Variants in RREB1 observed in about 807,000 individuals in gnomAD.
RREB1 encodes the protein ras-responsive element-binding protein 1.
Under a neutral mutation model 117.8 loss-of-function variants are expected in RREB1, and 27 were observed. That is an observed-to-expected ratio of 0.23 (90% CI 0.17 to 0.32). The LOEUF (loss-of-function observed/expected upper bound fraction) is 0.32. Ranked by LOEUF, RREB1 falls within the 10% of genes least tolerant of loss-of-function variation. The pLI is 1.00. For synonymous variants in RREB1, 1,298 were observed against 1,026.7 expected, an observed-to-expected ratio of 1.26 and a Z score of -5.05; for missense variants, 2,577 against 2,378.2, an observed-to-expected ratio of 1.08 and a Z score of -1.74.
At chr6:7,154,680 G>A (rs1182458912) in intron 1 of RREB1, among the ~76,000 whole-genome samples, 2 of 152,196 alleles carry the variant, frequency 1.3e-5, no homozygotes, top group Non-Finnish European at 2.9e-5. Context: ...CTAAGGGTCA[G>A]GCCACTTACC....
chr6:7,162,441 C>G (rs1010950241), intron 1 of RREB1, among the ~76,000 whole-genome samples: 2 of 152,162 alleles, frequency 1.3e-5, no homozygotes, highest in Admixed American at 1.3e-4. Context: ...GTGGTGCTTA[C>G]CTCTGGTGAG....
chr6:7,203,868 A>G (rs1330322230), intron 6 of RREB1, among the ~76,000 whole-genome samples: 1 of 152,230 alleles, frequency 6.6e-6, no homozygotes, highest in African/African-American at 2.4e-5. Context: ...GAATGGAGGC[A>G]GTAGGAATAA....
At chr6:7,222,786 C>T (rs1407108239) in intron 8 of RREB1, among the ~76,000 whole-genome samples, 1 of 149,318 alleles carries the variant, frequency 6.7e-6, no homozygotes, top group African/African-American at 2.4e-5. Flanking sequence ...ACATAGCGAG[C>T]CTGCCTCAAA....
intron 1 of RREB1, among the ~76,000 whole-genome samples, chr6:7,131,139 T>C (rs527241685): frequency 2.7e-5 from 4 of 147,890 alleles, no homozygotes; most frequent in African/African-American, 1.0e-4. Context: ...GGGGTTTCAC[T>C]GTGGTCTCGA....
chr6:7,137,259 T>A (rs1048493044), intron 1 of RREB1, among the ~76,000 whole-genome samples: 2 of 152,176 alleles, frequency 1.3e-5, no homozygotes, highest in Non-Finnish European at 2.9e-5. Context: ...TGCCTCTCCC[T>A]TCCCCCCTGA....
At chr6:7,220,284 A>G (rs1177055681) in intron 8 of RREB1, among the ~76,000 whole-genome samples, 2 of 152,216 alleles carry the variant, frequency 1.3e-5, no homozygotes, top group African/African-American at 4.8e-5. Flanking sequence ...GTACAGAAAC[A>G]CTTATTTCTG....
At position 7,211,641 on chromosome 6, in the gene RREB1, T is replaced by C. The variant is rs1348397630; in HGVS notation, c.639T>C (p.Cys213=). ...ATGAAGTCTTTCACTGCCCAGTATGTTTCAAGGAGTTTGTTTGCAAGTATG... is the reference window on the plus strand; with the variant it reads ...ATGAAGTCTTTCACTGCCCAGTATGCTTCAAGGAGTTTGTTTGCAAGTATG... ...KADEVFHCPV[C]FKEFVCKYGL... The change falls in exon 8 of 13, where the codon TGT becomes TGC. Residue 213 remains cysteine (C), a synonymous_variant. Transcript: ENST00000379938. The C allele has an allele frequency of 6.2e-7, 1 of 1,613,998 alleles. No homozygotes were observed. Among genetic ancestry groups the C allele is most frequent in the South Asian group, 1.1e-5 (1 of 91,074 alleles).
At chr6:7,146,570 T>TAA (rs1561743917) in intron 1 of RREB1, among the ~76,000 whole-genome samples, 1 of 152,186 alleles carries the variant, frequency 6.6e-6, no homozygotes, top group Admixed American at 6.5e-5. Context: ...CCGAGCTCTT[T>TAA]AAAAGCCAGT....
chr6:7,110,494 G>GTGTGTGTGTGTGTGTGTA (rs780372991), intron 1 of RREB1, among the ~76,000 whole-genome samples: 13 of 152,102 alleles, frequency 8.5e-5, no homozygotes, highest in South Asian at 2.1e-4. Flanking sequence ...GTGTGTGTGT[G>GTGTGTGTGTGTGTGTGTA]TGTATGTGTT....
At chr6:7,164,422 C>T (rs1288567333) in intron 1 of RREB1, among the ~76,000 whole-genome samples, 3 of 152,224 alleles carry the variant, frequency 2.0e-5, no homozygotes, top group African/African-American at 7.2e-5. Context: ...CAGAAAGGAA[C>T]TCCAGGGGGA....
chr6:7,176,211 G>A (rs1178895599), intron 1 of RREB1, among the ~76,000 whole-genome samples: 1 of 152,150 alleles, frequency 6.6e-6, no homozygotes. Context: ...GCCACTGCTA[G>A]TTGTATATTT....
intron 5 of RREB1, among the ~76,000 whole-genome samples, chr6:7,187,913 T>C (rs984366207): frequency 2.0e-5 from 3 of 152,188 alleles, no homozygotes; most frequent in African/African-American, 4.8e-5. Context: ...CACAACACTT[T>C]GGGAGGCCAA....
chr6:7,232,388 C>T (rs941822796), intron 10 of RREB1, among the ~76,000 whole-genome samples: 1 of 152,134 alleles, frequency 6.6e-6, no homozygotes, highest in South Asian at 2.1e-4. Context: ...TTTTTGGATG[C>T]CATGTCTTCT....
intron 6 of RREB1, among the ~76,000 whole-genome samples, chr6:7,192,037 A>G (rs1451933539): frequency 6.9e-6 from 1 of 144,296 alleles, no homozygotes; most frequent in Non-Finnish European, 1.5e-5. Flanking sequence ...AATGTTCCTT[A>G]CCAGTTTGAG....
Position 7,230,218 on chromosome 6 carries a change from C to A in RREB1, c.2119C>A (p.Pro707Thr), listed in dbSNP as rs1245892403. Residue 707 changes from proline to threonine, a missense_variant, in exon 10 of 13, where the codon CCC becomes ACC. Transcript: ENST00000379938. ...RPYICKICHY[P>T]FTVKANCERH... is the part of the protein sequence containing the mutation. Reference sequence around the variant, plus strand: ...CTACATTTGCAAGATCTGCCACTACCCCTTCACTGTCAAAGCCAACTGCGA... The same window carrying A: ...CTACATTTGCAAGATCTGCCACTACACCTTCACTGTCAAAGCCAACTGCGA... The A allele has an allele frequency of 6.2e-7, 1 of 1,604,862 alleles. No individual in the cohort carries two copies. Among genetic ancestry groups the A allele is most frequent in the Non-Finnish European group, 8.5e-7 (1 of 1,179,932 alleles).
intron 1 of RREB1, among the ~76,000 whole-genome samples, chr6:7,126,503 G>A (rs944694766): frequency 4.7e-5 from 7 of 150,044 alleles, no homozygotes; most frequent in Non-Finnish European, 8.9e-5. Flanking sequence ...TCCTGACCTC[G>A]GGTGATCTGC....
chr6:7,128,691 G>T (rs192292784), intron 1 of RREB1, among the ~76,000 whole-genome samples: 1 of 152,140 alleles, frequency 6.6e-6, no homozygotes, highest in Non-Finnish European at 1.5e-5. Context: ...TCTTGGGGCC[G>T]GGCGTGGTGG....
chr6:7,231,775 C>A lies in RREB1; in HGVS notation c.3676C>A (p.Pro1226Thr). The change falls in exon 10 of 13, where the codon CCC becomes ACC. Residue 1226 changes from proline to threonine, a missense_variant. Pro to Thr is a conservative substitution (Grantham distance 38, BLOSUM62 -1). Coordinates refer to ENST00000379938, the MANE Select transcript of RREB1 (RefSeq NM_001003699.4). ...GCCCAGTGATGAAGAGCAGGGCAGT[C>A]CCCCAGAAGACAAGCTGCTGAGGGC... is the stretch of plus-strand genomic sequence containing the variant. ...HGPSDEEQGS[P>T]PEDKLLRAKR... The A allele has an allele frequency of 6.2e-7, 1 of 1,613,798 alleles. No homozygotes were observed. Among genetic ancestry groups the A allele is most frequent in the Non-Finnish European group, 8.5e-7 (1 of 1,180,014 alleles).
rs1288999759 is a variant in RREB1 at position 7,230,003 on chromosome 6, C to T, written c.1904C>T (p.Thr635Met). The change falls in exon 10 of 13, where the codon ACG becomes ATG. Residue 635 changes from threonine (T) to methionine (M), a missense_variant. Transcript: ENST00000379938. The stretch of plus-strand genomic sequence containing the variant: ...ATGACAGCGCCCGGCGGCAAGAAGA[C>T]GCCCGCCATGCGCAAGGTGCTCTAC... The part of the protein sequence containing the change: ...AFMTAPGGKK[T>M]PAMRKVLYPC... 4 of 1,608,056 alleles carry T rather than the reference C, an allele frequency of 2.5e-6. No homozygotes were observed. The highest frequency in any genetic ancestry group is 2.2e-5 in the East Asian group (1 of 44,692).
Sources: allele counts gnomAD v4.1 joint callset (sites outside exome capture counted in the v4.1 genomes callset), GRCh38; gene constraint gnomAD v4.1.1; transcripts MANE v1.5; gene names NCBI Gene and HGNC (gene_info 2026-07-23, HGNC 2026-07-21).